The following EYS variants were observed in gnomAD, a reference collection of about 807,000 sequenced individuals.
EYS encodes EGF-like photoreceptor maintenance factor.
EYS carries 250 observed loss-of-function variants against 282.1 expected under a neutral mutation model. The observed-to-expected ratio is 0.89, with a 90% CI of 0.80 to 0.98. The LOEUF (loss-of-function observed/expected upper bound fraction) is 0.98, where lower values mean the gene tolerates loss of function less well. Among genes scored for constraint, EYS ranks in the 50% least tolerant of loss-of-function variants. EYS has a pLI of 0.00. For synonymous variants in EYS, 1,355 were observed against 1,282.9 expected (o/e 1.06, Z -1.20); for missense variants, 4,016 against 3,709.0 (o/e 1.08, Z -2.15).
chr6:64,642,453 T>C (rs1768190230), intron 22 of EYS, among the ~76,000 whole-genome samples: 1 of 152,348 alleles, frequency 6.6e-6, no homozygotes, highest in African/African-American at 2.4e-5. Context: ...AATCGATATA[T>C]TCTTTTCTTC....
chr6:65,271,127 A>AC (rs1562062898), intron 12 of EYS, among the ~76,000 whole-genome samples: 21 of 6,278 alleles, frequency 3.3e-3, no homozygotes, highest in Non-Finnish European at 8.1e-3. Context: ...GAATCAATAG[A>AC]TTATATATAT....
At chr6:64,245,726 A>C (rs1300435879) in intron 30 of EYS, among the ~76,000 whole-genome samples, 1 of 152,162 alleles carries the variant, frequency 6.6e-6, no homozygotes, top group Admixed American at 6.5e-5. Flanking sequence ...ATCTGTGAGA[A>C]AACTTAGAGG....
intron 28 of EYS, among the ~76,000 whole-genome samples, chr6:64,401,856 C>T (rs961119486): frequency 6.6e-6 from 1 of 152,056 alleles, no homozygotes; most frequent in Non-Finnish European, 1.5e-5. Flanking sequence ...TGAATTTCCT[C>T]ACTTAAAACT....
intron 29 of EYS, among the ~76,000 whole-genome samples, chr6:64,384,405 A>G (rs1030262430): frequency 2.0e-5 from 3 of 152,202 alleles, no homozygotes; most frequent in Non-Finnish European, 2.9e-5. Context: ...AGTACATGCA[A>G]TCACACATGT....
At chr6:65,298,032 A>G (rs1768714393) in intron 11 of EYS, among the ~76,000 whole-genome samples, 1 of 152,042 alleles carries the variant, frequency 6.6e-6, no homozygotes, top group South Asian at 2.1e-4. Flanking sequence ...GCTGTTTGTT[A>G]TTCCATGAAA....
chr6:64,080,872 T>C (rs1431558798), intron 32 of EYS, among the ~76,000 whole-genome samples: 1 of 152,110 alleles, frequency 6.6e-6, no homozygotes, highest in African/African-American at 2.4e-5. Context: ...GTTGTAGATA[T>C]GCGGCATTAT....
At chr6:64,715,275 T>G (rs1225338805) in intron 22 of EYS, among the ~76,000 whole-genome samples, 1 of 152,138 alleles carries the variant, frequency 6.6e-6, no homozygotes, top group Non-Finnish European at 1.5e-5. Context: ...TGGGAGACAG[T>G]GGTACCTGAA....
intron 30 of EYS, among the ~76,000 whole-genome samples, chr6:64,258,485 G>A (rs888795347): frequency 2.6e-5 from 4 of 152,024 alleles, no homozygotes; most frequent in African/African-American, 9.7e-5. Flanking sequence ...GATAAAGTGG[G>A]TAAATGACAA....
chr6:65,010,106 G>T (rs1167436881), intron 13 of EYS, among the ~76,000 whole-genome samples: 2 of 152,194 alleles, frequency 1.3e-5, no homozygotes, highest in African/African-American at 4.8e-5. Flanking sequence ...AATGGGGCAA[G>T]ACTTGACTTT....
intron 14 of EYS, among the ~76,000 whole-genome samples, chr6:64,992,991 C>G (rs1264020533): frequency 6.6e-6 from 1 of 151,922 alleles, no homozygotes; most frequent in Non-Finnish European, 1.5e-5. Context: ...GTCCTGGGAG[C>G]CACATTTGGT....
At chr6:64,743,093 A>C (rs1772430260) in intron 22 of EYS, among the ~76,000 whole-genome samples, 1 of 152,162 alleles carries the variant, frequency 6.6e-6, no homozygotes, top group African/African-American at 2.4e-5. Context: ...TCTTCTAGTG[A>C]AATGAGATGG....
chr6:65,606,454 G>T (rs911582429), intron 2 of EYS, among the ~76,000 whole-genome samples: 3 of 151,446 alleles, frequency 2.0e-5, no homozygotes, highest in African/African-American at 4.8e-5. Flanking sequence ...TTGTTTTTTT[G>T]AAAAGGATTA....
chr6:63,941,289 C>G (rs1765231626), intron 35 of EYS, among the ~76,000 whole-genome samples: 1 of 152,202 alleles, frequency 6.6e-6, no homozygotes, highest in African/African-American at 2.4e-5. Context: ...AGCTAGTTTA[C>G]AGTCCCACCA....
intron 22 of EYS, among the ~76,000 whole-genome samples, chr6:64,648,069 T>C (rs902502009): frequency 5.3e-5 from 8 of 152,228 alleles, no homozygotes; most frequent in Middle Eastern, 3.2e-3. Context: ...ATTAATCATG[T>C]ATTTTGCATA....
At chr6:64,944,532 C>T (rs1165006725) in intron 15 of EYS, among the ~76,000 whole-genome samples, 2 of 152,146 alleles carry the variant, frequency 1.3e-5, no homozygotes, top group Middle Eastern at 3.4e-3. Flanking sequence ...CCGTAGGGAC[C>T]TCTGCCCTTG....
intron 35 of EYS, among the ~76,000 whole-genome samples, chr6:63,891,915 C>T (rs1295890832): frequency 6.6e-6 from 1 of 152,168 alleles, no homozygotes; most frequent in Non-Finnish European, 1.5e-5. Context: ...GTAAAAATCA[C>T]AAGCATTCCT....
intron 22 of EYS, among the ~76,000 whole-genome samples, chr6:64,765,422 C>T (rs1773292874): frequency 1.3e-5 from 2 of 152,176 alleles, no homozygotes. Context: ...GCCCTCCAAA[C>T]TGTTCCAGCC....
At chr6:65,404,565 T>G (rs368818274) in intron 6 of EYS, among the ~76,000 whole-genome samples, 2 of 151,980 alleles carry the variant, frequency 1.3e-5, no homozygotes, top group African/African-American at 4.8e-5. Flanking sequence ...AACAAATCTT[T>G]GTATATTGTA....
Position 64,442,160 on chromosome 6 carries a change from A to G in EYS, c.5645-2808T>C, listed in dbSNP as rs187260154. Among the ~76,000 whole-genome samples, 7 of 152,286 alleles carry G rather than the reference A, an allele frequency of 4.6e-5. No homozygotes were observed. The East Asian group carries it at 9.7e-4, about 21-fold the overall frequency. On this transcript the variant is annotated intron_variant, in intron 26 of 42. Coordinates refer to ENST00000503581, the MANE Select transcript of EYS (RefSeq NM_001142800.2). ...GCTAAGGTGGTCTAAGACAGAGATT[A>G]GGAACTTGTTGGGAAATGGAGCAAA... is the stretch of plus-strand genomic sequence containing the variant.
Sources: allele counts gnomAD v4.1 joint callset (sites outside exome capture counted in the v4.1 genomes callset), GRCh38; gene constraint gnomAD v4.1.1; transcripts MANE v1.5; gene names NCBI Gene and HGNC (gene_info 2026-07-23, HGNC 2026-07-21).